Variants in ARHGAP40 observed in about 807,000 individuals in gnomAD.
ARHGAP40 encodes the protein Rho GTPase activating protein 40.
In ARHGAP40, 43 loss-of-function variants were observed where a neutral mutation model predicts 73.5. The observed-to-expected ratio is 0.58, with a 90% CI of 0.46 to 0.75. ARHGAP40 has a LOEUF of 0.75. Ranked by LOEUF, ARHGAP40 falls within the 30% of genes least tolerant of loss-of-function variation. The pLI is 0.00. For missense variants in ARHGAP40, 734 were observed against 861.8 expected, an observed-to-expected ratio of 0.85 and a Z score of 1.86; for synonymous variants, 300 against 352.8, an observed-to-expected ratio of 0.85 and a Z score of 1.68.
At chr20:38,639,015 G>T (rs1206597392) in intron 8 of ARHGAP40, among the ~76,000 whole-genome samples, 177 bp downstream of exon 8, 1 of 152,218 alleles carries the variant, frequency 6.6e-6, no homozygotes, top group Non-Finnish European at 1.5e-5. Context: ...GAGAGTGTGG[G>T]CCCTGGAGTC....
At chr20:38,650,226 C>T (rs762055944) in exon 15 of ARHGAP40, 11 of 405,774 alleles carry the variant, frequency 2.7e-5, no homozygotes, top group East Asian at 7.1e-5. Context: ...TGCTGTATGA[C>T]GCCACCACTT....
At chr20:38,602,024 C>G in exon 1 of ARHGAP40, 1 of 1,287,536 alleles carries the variant, frequency 7.8e-7, no homozygotes, top group South Asian at 1.2e-5. Flanking sequence ...TCCTCGGATC[C>G]CGCGGGCCCG....
chr20:38,637,878 A>C (rs2088986965), intron 7 of ARHGAP40, 79 bp downstream of exon 7: 1 of 1,117,436 alleles, frequency 8.9e-7, no homozygotes. Context: ...GGAGACATCC[A>C]GCAAAGGGGT....
At chr20:38,633,825 G>A (rs2088956778) in intron 5 of ARHGAP40, among the ~76,000 whole-genome samples, 1 of 152,310 alleles carries the variant, frequency 6.6e-6, no homozygotes, top group South Asian at 2.1e-4. Flanking sequence ...TGGCACGGTT[G>A]AGCATTCTTT....
chr20:38,649,596 C>T (rs1420840357), intron 14 of ARHGAP40, among the ~76,000 whole-genome samples, 161 bp from the exon 15 acceptor site: 1 of 152,236 alleles, frequency 6.6e-6, no homozygotes, highest in Non-Finnish European at 1.5e-5. Context: ...CATCTTCCCT[C>T]AGCGGAGCTC....
At chr20:38,649,797 G>A in exon 15 of ARHGAP40, 1 of 1,305,226 alleles carries the variant, frequency 7.7e-7, no homozygotes, top group South Asian at 1.2e-5. Context: ...TCTTAGATCT[G>A]TACCGTGCCA....
intron 1 of ARHGAP40, among the ~76,000 whole-genome samples, chr20:38,613,908 A>G (rs2088818322): frequency 6.6e-6 from 1 of 152,234 alleles, no homozygotes; most frequent in Non-Finnish European, 1.5e-5. Context: ...GAATGGTCAC[A>G]CTGTCCAGAA....
chr20:38,612,405 G>A (rs1262954162), intron 1 of ARHGAP40, among the ~76,000 whole-genome samples: 1 of 152,204 alleles, frequency 6.6e-6, no homozygotes, highest in Non-Finnish European at 1.5e-5. Flanking sequence ...TGGGCACGGT[G>A]GCTCACACCT....
At chr20:38,633,431 G>A (rs1211270187) in intron 5 of ARHGAP40, among the ~76,000 whole-genome samples, 2 of 152,112 alleles carry the variant, frequency 1.3e-5, no homozygotes, top group Non-Finnish European at 2.9e-5. Context: ...AGTAAGTATT[G>A]AGTACTCACT....
chr20:38,622,213 C>A (rs1052984465), intron 1 of ARHGAP40, among the ~76,000 whole-genome samples: 2 of 151,972 alleles, frequency 1.3e-5, no homozygotes, highest in Non-Finnish European at 2.9e-5. Context: ...TATTGGTTTT[C>A]TTTGCCTTTT....
At chr20:38,615,047 T>C in intron 1 of ARHGAP40, 1 of 957,756 alleles carries the variant, frequency 1.0e-6, no homozygotes, top group Non-Finnish European at 1.7e-6. Flanking sequence ...GCTTGGCATG[T>C]GCCTCCTGTT....
intron 5 of ARHGAP40, among the ~76,000 whole-genome samples, chr20:38,633,048 G>A (rs1358142497): frequency 6.6e-6 from 1 of 151,958 alleles, no homozygotes; most frequent in East Asian, 1.9e-4. Context: ...GCTTGAACCT[G>A]GGAGACAGAG....
chr20:38,603,103 C>A (rs928666601), intron 1 of ARHGAP40, among the ~76,000 whole-genome samples: 7 of 152,216 alleles, frequency 4.6e-5, no homozygotes, highest in Non-Finnish European at 8.8e-5. Context: ...CAGCAGGAGA[C>A]CCCCATTGCC....
At chr20:38,649,364 A>G (rs79232346) in intron 14 of ARHGAP40, among the ~76,000 whole-genome samples, 4,288 of 152,270 alleles carry the variant, frequency 0.028, 212 homozygotes, top group African/African-American at 0.099. Context: ...CCCTCAGGAA[A>G]AGGGTTCCAA....
Position 38,644,380 on chromosome 20 carries a change from G to A in ARHGAP40, c.1569+470G>A, listed in dbSNP as rs192049394. 1.2e-4 allele frequency among the ~76,000 whole-genome samples: 18 copies of A among 152,190 alleles called. No homozygotes were observed. In the East Asian group the frequency reaches 1.7e-3, roughly 15 times the overall value. Reference sequence around the variant, plus strand: ...AGAGCAGGAGAGAGGCCCCTCTGCGGTGTCAGCATGCATGGTGCCCCTAGC... The same window carrying A: ...AGAGCAGGAGAGAGGCCCCTCTGCGATGTCAGCATGCATGGTGCCCCTAGC... On this transcript the variant is annotated intron_variant, in intron 11 of 14. Transcript: ENST00000373345.
chr20:38,650,596 T>C (rs572545203), exon 15 of ARHGAP40: 15 of 469,534 alleles, frequency 3.2e-5, no homozygotes, highest in Non-Finnish European at 5.7e-5. Flanking sequence ...TTTTGTAATA[T>C]GATATAATAT....
chr20:38,625,825 T>C (rs1227638292), intron 2 of ARHGAP40, among the ~76,000 whole-genome samples: 1 of 152,264 alleles, frequency 6.6e-6, no homozygotes, highest in African/African-American at 2.4e-5. Flanking sequence ...GCTCCATTTA[T>C]GGTGGGGATC....
At chr20:38,636,959 T>A in intron 6 of ARHGAP40, among the ~76,000 whole-genome samples, 1 of 151,644 alleles carries the variant, frequency 6.6e-6, no homozygotes, top group Non-Finnish European at 1.5e-5. Context: ...AGAAGGAAGG[T>A]GTGGAGAAAA....
chr20:38,604,308 ATACT>A (rs1569005601), intron 1 of ARHGAP40, among the ~76,000 whole-genome samples: 2 of 152,226 alleles, frequency 1.3e-5, no homozygotes, highest in Non-Finnish European at 2.9e-5. Flanking sequence ...CAGATGAAAA[ATACT>A]TAAGAGAGTT....
Sources: gnomAD v4.1 joint callset for allele counts (sites outside exome capture counted in the v4.1 genomes callset) on GRCh38, gnomAD v4.1.1 for gene constraint, MANE v1.5 for transcripts, NCBI Gene and HGNC (gene_info 2026-07-23, HGNC 2026-07-21) for gene names.